The following C12orf56 variants were observed in gnomAD, a reference collection of about 807,000 sequenced individuals.
The protein encoded by C12orf56 is chromosome 12 open reading frame 56, also known as uncharacterized protein C12orf56.
A neutral mutation model predicts 69.9 loss-of-function variants in C12orf56; 71 were observed. The observed-to-expected ratio is 1.02, with a 90% confidence interval of 0.84 to 1.24. C12orf56 has a LOEUF of 1.24. C12orf56 is among the 50% of genes most tolerant of loss of function. C12orf56 has a pLI of 0.00. For synonymous variants in C12orf56, 276 were observed against 274.1 expected (o/e 1.01, Z -0.07); for missense variants, 732 against 738.5 (o/e 0.99, Z 0.10).
chr12:64,293,313 T>G (rs2038320158), intron 6 of C12orf56: 1 of 152,624 alleles, frequency 6.6e-6, no homozygotes, highest in Admixed American at 6.5e-5. Context: ...ACCCGTCTTC[T>G]GCGTCGCTCA....
rs758331750 is a variant in C12orf56, at chr12:64,390,545, G to C, written c.21C>G (p.Ser7=). 4.4e-6 allele frequency: 7 copies of C among 1,593,790 alleles called. No individual in the cohort carries two copies. The highest frequency in any genetic ancestry group is 5.9e-6 in the Non-Finnish European group (7 of 1,177,022). The change falls in exon 1 of 13, where the codon TCC becomes TCG. Residue 7 remains serine, a synonymous_variant. Transcript: ENST00000543942. ...GGCTGTTCCTGCGCGCGGGGAAGCC[G>C]GACGGCAAGGGGCTGGCCATGCCCG... is the stretch of plus-strand genomic sequence containing the variant. MASPLP[S]GFPARRNSRL...
chr12:64,352,684 G>A lies in C12orf56; in HGVS notation c.415+210C>T, dbSNP rs553316387. 9.3e-4 allele frequency among the ~76,000 whole-genome samples: 141 copies of A among 152,284 alleles called. 1 individual carries two copies. Among genetic ancestry groups the A allele is most frequent in the African/African-American group, 3.3e-3 (138 of 41,550 alleles). On this transcript the variant is annotated intron_variant, in intron 2 of 12. Coordinates refer to ENST00000543942, the MANE Select transcript of C12orf56 (RefSeq NM_001170633.2). ...CTGTGAGGTGAGAGCCAGTTGGCCA[G>A]ACCCCTTTTTTTCACTGAGAGCTTT...
intron 1 of C12orf56, among the ~76,000 whole-genome samples, chr12:64,377,911 A>G (rs1565782096): frequency 6.6e-6 from 1 of 152,228 alleles, no homozygotes; most frequent in African/African-American, 2.4e-5. Flanking sequence ...TAGAGATTAG[A>G]GCACTGACTC....
chr12:64,310,675 A>G (rs2038595135), intron 5 of C12orf56, among the ~76,000 whole-genome samples: 2 of 151,482 alleles, frequency 1.3e-5, no homozygotes, highest in Non-Finnish European at 1.5e-5. Context: ...TTATATATTC[A>G]TTATGTTTCA....
Position 64,267,112 on chromosome 12 carries a change from TC to T in C12orf56, c.*70del. On this transcript the variant is annotated 3_prime_UTR_variant, in exon 13 of 13. Transcript: ENST00000543942. ...GATATTAAACAAATAAAAAAATGTT[TC>T]TCGTGAATATCAAGTTGACTCTTGA... is the stretch of plus-strand genomic sequence containing the variant. The T allele has an allele frequency of 8.7e-7, 1 of 1,147,336 alleles. No individual in the cohort carries two copies. The highest frequency in any genetic ancestry group is 1.5e-5 in the South Asian group (1 of 65,306). 71.1% of individuals were successfully genotyped at this position (1,147,336 alleles called of 1,614,324 possible).
intron 6 of C12orf56, among the ~76,000 whole-genome samples, chr12:64,301,725 T>C (rs555753489): frequency 3.8e-4 from 58 of 152,312 alleles, no homozygotes; most frequent in African/African-American, 1.3e-3. Flanking sequence ...TCCCAGTTCA[T>C]CTGTATCTCG....
At chr12:64,283,011 G>A (rs2038152460) in intron 8 of C12orf56, among the ~76,000 whole-genome samples, 1 of 151,386 alleles carries the variant, frequency 6.6e-6, no homozygotes, top group Non-Finnish European at 1.5e-5. Flanking sequence ...GCATGGTGGT[G>A]CACGCCTGTA....
chr12:64,387,676 G>A (rs1156280382), intron 1 of C12orf56, among the ~76,000 whole-genome samples: 2 of 151,988 alleles, frequency 1.3e-5, no homozygotes, highest in African/African-American at 4.8e-5. Flanking sequence ...GCCAGGCATG[G>A]TGGCACGTGC....
rs1372641157 is a variant in C12orf56, at chr12:64,303,668, C to T, written c.1080G>A (p.Gln360=). 2 of 1,566,528 alleles carry T rather than the reference C, an allele frequency of 1.3e-6. No homozygotes were observed. Among genetic ancestry groups the T allele is most frequent in the East Asian group, 4.6e-5 (2 of 43,370 alleles). ...AAAGCCTTTTCAGAATGAAGTTTTT[C>T]TGGGCTGCTACTTTAAGTTCCATAA... ...SLLMELKVAA[Q]KNFILKRLFW... The change falls in exon 6 of 13, where the codon CAG becomes CAA. Residue 360 remains glutamine, a synonymous_variant. Transcript: ENST00000543942.
At position 64,312,684 on chromosome 12, in the gene C12orf56, T is replaced by C. The variant is rs371389212; in HGVS notation, c.963A>G (p.Pro321=). Residue 321 remains proline (P), a synonymous_variant, in exon 5 of 13, where the codon CCA becomes CCG. Transcript: ENST00000543942. ...CATACATCATCACTTCTTACCTATATGGCTTTTGACTTCCAATAGCAGGAC... is the reference window on the plus strand; with the variant it reads ...CATACATCATCACTTCTTACCTATACGGCTTTTGACTTCCAATAGCAGGAC... ...EFSPAIGSQK[P]YRSEEKIKHF... is the part of the protein sequence containing the mutation. The C allele has an allele frequency of 3.3e-5, 50 of 1,533,024 alleles. 1 individual carries two copies. The South Asian group carries it at 3.8e-4, about 12-fold the overall frequency. The allele number at this position is 1,533,024 out of a possible 1,614,324, so 95.0% of individuals were successfully genotyped here.
intron 6 of C12orf56, among the ~76,000 whole-genome samples, chr12:64,298,283 C>CT (rs1262625458): frequency 6.6e-6 from 1 of 152,106 alleles, no homozygotes; most frequent in Non-Finnish European, 1.5e-5. Context: ...GATATTAGCC[C>CT]TTTGTCAGAT....
chr12:64,331,407 T>C (rs1196169859), intron 2 of C12orf56, among the ~76,000 whole-genome samples: 1 of 151,994 alleles, frequency 6.6e-6, no homozygotes, highest in Non-Finnish European at 1.5e-5. Context: ...AGGCTGAGGA[T>C]GGAGGATTGC....
intron 2 of C12orf56, among the ~76,000 whole-genome samples, chr12:64,333,400 C>G (rs1292569366): frequency 6.6e-6 from 1 of 151,826 alleles, no homozygotes; most frequent in Non-Finnish European, 1.5e-5. Flanking sequence ...CTTGAATTCT[C>G]TCTTTTTTGT....
chr12:64,388,314 A>G (rs1361203887), intron 1 of C12orf56, among the ~76,000 whole-genome samples: 1 of 152,114 alleles, frequency 6.6e-6, no homozygotes, highest in African/African-American at 2.4e-5. Context: ...TGGTGAGATC[A>G]TGGCTTACTG....
At chr12:64,329,915 C>G (rs1453696482) in intron 3 of C12orf56, among the ~76,000 whole-genome samples, 2 of 151,644 alleles carry the variant, frequency 1.3e-5, no homozygotes, top group African/African-American at 2.4e-5. Context: ...TTTTCTTAAT[C>G]CAGTCTATCA....
At chr12:64,381,864 G>A (rs2039723039) in intron 1 of C12orf56, among the ~76,000 whole-genome samples, 1 of 152,204 alleles carries the variant, frequency 6.6e-6, no homozygotes, top group South Asian at 2.1e-4. Flanking sequence ...ACGTCATTTG[G>A]TAAAATAGGG....
At chr12:64,346,452 C>A (rs2039143707) in intron 2 of C12orf56, among the ~76,000 whole-genome samples, 1 of 152,218 alleles carries the variant, frequency 6.6e-6, no homozygotes, top group African/African-American at 2.4e-5. Context: ...CACCTTCACA[C>A]ACATACCCAG....
intron 1 of C12orf56, among the ~76,000 whole-genome samples, chr12:64,374,983 T>C (rs575276348): frequency 1.3e-5 from 2 of 152,330 alleles, no homozygotes; most frequent in African/African-American, 4.8e-5. Context: ...ATAAATGTGG[T>C]TATGTTATAC....
At chr12:64,365,251 G>A (rs2039449809) in intron 1 of C12orf56, among the ~76,000 whole-genome samples, 1 of 143,018 alleles carries the variant, frequency 7.0e-6, no homozygotes, top group Admixed American at 7.6e-5. Context: ...TGCAACCTCC[G>A]CCTTCCGGTT....
Sources: allele counts gnomAD v4.1 joint callset (sites outside exome capture counted in the v4.1 genomes callset), GRCh38; gene constraint gnomAD v4.1.1; transcripts MANE v1.5; gene names NCBI Gene and HGNC (gene_info 2026-07-23, HGNC 2026-07-21).